The following CHRM5 variants were observed in gnomAD, a reference collection of about 807,000 sequenced individuals.
The protein encoded by CHRM5 is cholinergic receptor muscarinic 5.
A neutral mutation model predicts 39.0 loss-of-function variants in CHRM5; 18 were observed. The ratio of observed to expected loss-of-function variants is 0.46; its 90% CI spans 0.32 to 0.68. The LOEUF (loss-of-function observed/expected upper bound fraction) is 0.68, where lower values mean the gene tolerates loss of function less well. Among genes scored for constraint, CHRM5 ranks in the 30% least tolerant of loss-of-function variants. The pLI is 0.04. For synonymous variants in CHRM5, 241 were observed against 246.3 expected (o/e 0.98, Z 0.20); for missense variants, 515 against 651.1 (o/e 0.79, Z 2.28).
rs573013485 is a variant in CHRM5, at chr15:34,014,440, G to GT, written c.-407-32096dup. On this transcript the variant is annotated intron_variant, in intron 1 of 2. Transcript: ENST00000383263. ...GGAAGATGGCAGCAGCAGCAGTATG[G>GT]TTTTCCCAGGTCCCCTGATAAAAAA... 7.2e-4 allele frequency among the ~76,000 whole-genome samples: 105 copies of GT among 145,450 alleles called. No homozygotes were observed. The South Asian group carries it at 1.0e-2, about 14-fold the overall frequency.
chr15:34,007,125 T>A, intron 1 of CHRM5: 1 of 843,318 alleles, frequency 1.2e-6, no homozygotes, highest in Non-Finnish European at 1.4e-6. Flanking sequence ...ACCTATTATA[T>A]AATCAAACTA....
chr15:34,038,093 A>G (rs1317531219), intron 1 of CHRM5, among the ~76,000 whole-genome samples: 2 of 152,186 alleles, frequency 1.3e-5, no homozygotes, highest in African/African-American at 4.8e-5. Flanking sequence ...TGATATTGCT[A>G]TTAAAACTCA....
chr15:34,006,099 G>C (rs963626276), intron 1 of CHRM5, among the ~76,000 whole-genome samples: 4 of 151,866 alleles, frequency 2.6e-5, no homozygotes, highest in Non-Finnish European at 5.9e-5. Context: ...ATCACAAGGT[G>C]AGGAGATCGA....
chr15:33,995,918 C>T (rs1294365146), intron 1 of CHRM5, among the ~76,000 whole-genome samples: 1 of 152,240 alleles, frequency 6.6e-6, no homozygotes, highest in Admixed American at 6.5e-5. Context: ...GGGGATTTCC[C>T]TTTCCTAGCC....
intron 1 of CHRM5, among the ~76,000 whole-genome samples, chr15:33,987,653 G>C (rs1420093239): frequency 6.6e-6 from 1 of 152,114 alleles, no homozygotes; most frequent in Non-Finnish European, 1.5e-5. Context: ...CAGCTGCTTG[G>C]TCCACCTGCA....
chr15:34,008,413 G>A (rs1312599129), intron 1 of CHRM5, among the ~76,000 whole-genome samples: 2 of 149,260 alleles, frequency 1.3e-5, no homozygotes, highest in African/African-American at 5.0e-5. Context: ...GAGCAAGACC[G>A]TGTCTCTTAA....
At chr15:33,992,359 C>T (rs936583139) in intron 1 of CHRM5, among the ~76,000 whole-genome samples, 1 of 151,714 alleles carries the variant, frequency 6.6e-6, no homozygotes, top group East Asian at 1.9e-4. Flanking sequence ...CACTGCACTC[C>T]AGCCTGCGCG....
At chr15:34,043,681 A>G (rs1195479401) in intron 1 of CHRM5, among the ~76,000 whole-genome samples, 1 of 152,236 alleles carries the variant, frequency 6.6e-6, no homozygotes, top group African/African-American at 2.4e-5. Flanking sequence ...GGCTGGAGTC[A>G]TGATTAGAGA....
intron 2 of CHRM5, among the ~76,000 whole-genome samples, chr15:34,050,376 G>A (rs190029336): frequency 2.1e-4 from 32 of 152,242 alleles, no homozygotes; most frequent in East Asian, 1.5e-3. Context: ...AAGAAAACCC[G>A]TTACCGGACA....
chr15:33,988,068 T>C (rs1259640919), intron 1 of CHRM5, among the ~76,000 whole-genome samples: 1 of 152,242 alleles, frequency 6.6e-6, no homozygotes, highest in African/African-American at 2.4e-5. Flanking sequence ...GAGGCCTGGC[T>C]GCAGCTCCCA....
chr15:34,056,671 T>A (rs541846814), intron 2 of CHRM5, among the ~76,000 whole-genome samples: 26 of 152,288 alleles, frequency 1.7e-4, no homozygotes, highest in African/African-American at 5.1e-4. Flanking sequence ...CTCAAGGTTG[T>A]TCTGCTTGAA....
chr15:34,067,408 T>C lies in CHRM5; in HGVS notation c.*3092T>C, dbSNP rs940810654. The C allele has an allele frequency of 3.9e-5, 6 of 152,210 alleles. No individual in the cohort carries two copies. The highest frequency in any genetic ancestry group is 3.9e-4 in the Admixed American group (6 of 15,282). 9.4% of individuals were successfully genotyped at this position (152,210 alleles called of 1,614,324 possible). A position where few individuals can be genotyped will look rare whatever the true frequency, so the allele number is the denominator to read the frequency against. ...GCAAAGGATATGGGGACTGGGCTGC[T>C]TTTCTGTATTGTATAAGCACTATTC... On this transcript the variant is annotated 3_prime_UTR_variant, in exon 3 of 3. Coordinates refer to ENST00000383263, the MANE Select transcript of CHRM5 (RefSeq NM_012125.4).
chr15:34,064,681 C>T lies in CHRM5; in HGVS notation c.*365C>T, dbSNP rs1473482073. 1 of 234,458 alleles carries T rather than the reference C, an allele frequency of 4.3e-6. No homozygotes were observed. The highest frequency in any genetic ancestry group is 5.1e-5 in the Admixed American group (1 of 19,528). The allele number at this position is 234,458 out of a possible 1,614,324, so 14.5% of individuals were successfully genotyped here. ...GCAGAGACCAGGTGGAAACCTTTTC[C>T]TGTGGAAACCTGTCATAGAATTTTG... On this transcript the variant is annotated 3_prime_UTR_variant, in exon 3 of 3. Transcript: ENST00000383263.
chr15:34,007,816 A>C (rs903169973), intron 1 of CHRM5, among the ~76,000 whole-genome samples: 2 of 152,186 alleles, frequency 1.3e-5, no homozygotes, highest in African/African-American at 4.8e-5. Context: ...GGAAGTTCTG[A>C]GGGAGAATCT....
intron 1 of CHRM5, among the ~76,000 whole-genome samples, chr15:34,020,219 G>A (rs893364709): frequency 1.3e-5 from 2 of 152,042 alleles, no homozygotes; most frequent in African/African-American, 4.8e-5. Context: ...GCTGAGGCAG[G>A]AGAATGGCGT....
chr15:34,008,973 CACAG>C (rs796905000), intron 1 of CHRM5, among the ~76,000 whole-genome samples: 487 of 151,376 alleles, frequency 3.2e-3, no homozygotes, highest in Admixed American at 4.9e-3. Context: ...CACACACACA[CACAG>C]ACCATCGAGA....
chr15:33,969,397 T>G (rs780974005), intron 1 of CHRM5, among the ~76,000 whole-genome samples: 1 of 151,946 alleles, frequency 6.6e-6, no homozygotes, highest in Non-Finnish European at 1.5e-5. Flanking sequence ...TTTATTTTTA[T>G]CCCAATTTTG....
rs141030936 is a variant in CHRM5 at position 34,066,452 on chromosome 15, C to T, written c.*2136C>T. ...AAAGGATGCCATGGAGGGCACTCCTCGCACACTCCGCACTTGCTTAGGACT... is the reference window on the plus strand; with the variant it reads ...AAAGGATGCCATGGAGGGCACTCCTTGCACACTCCGCACTTGCTTAGGACT... On this transcript the variant is annotated 3_prime_UTR_variant, in exon 3 of 3. Coordinates refer to ENST00000383263, the MANE Select transcript of CHRM5 (RefSeq NM_012125.4). The T allele has an allele frequency of 1.1e-4, 17 of 152,332 alleles. No individual in the cohort carries two copies. Among genetic ancestry groups the T allele is most frequent in the African/African-American group, 4.1e-4 (17 of 41,570 alleles). 9.4% of individuals were successfully genotyped at this position (152,332 alleles called of 1,614,324 possible).
chr15:34,040,326 G>A lies in CHRM5; in HGVS notation c.-407-6214G>A, dbSNP rs368040595. On this transcript the variant is annotated intron_variant, in intron 1 of 2. Coordinates refer to ENST00000383263, the MANE Select transcript of CHRM5 (RefSeq NM_012125.4). ...AGAAAAGTTAAATTATATTTAAACG[G>A]GTTACCCAAGGCTTCATGAGAAATA... is the stretch of plus-strand genomic sequence containing the variant. Among the ~76,000 whole-genome samples the A allele has an allele frequency of 2.6e-5, 4 of 152,274 alleles. No homozygotes were observed. The East Asian group carries it at 5.8e-4, about 22-fold the overall frequency.
Sources: gnomAD v4.1 joint callset for allele counts (sites outside exome capture counted in the v4.1 genomes callset) on GRCh38, gnomAD v4.1.1 for gene constraint, MANE v1.5 for transcripts, NCBI Gene and HGNC (gene_info 2026-07-23, HGNC 2026-07-21) for gene names.